The following ZNF280C variants were observed in gnomAD, a reference collection of about 807,000 sequenced individuals.
ZNF280C encodes the protein zinc finger protein 280C.
A neutral mutation model predicts 53.6 loss-of-function variants in ZNF280C; 14 were observed. The observed-to-expected ratio is 0.26, with a 90% CI of 0.17 to 0.41. The LOEUF is 0.41. Among genes scored for constraint, ZNF280C ranks in the 10% least tolerant of loss-of-function variants. The pLI is 1.00. For synonymous variants in ZNF280C, 203 were observed against 181.1 expected, an observed-to-expected ratio of 1.12 and a Z score of -0.97; for missense variants, 416 against 547.1, an observed-to-expected ratio of 0.76 and a Z score of 2.39.
rs750496036 is a variant in ZNF280C at position 130,257,699 on chromosome X, TCTCC to T, written c.31+2716_31+2719del. ...ACACACCTATCTCTACCTCTCTCTC[TCTCC>T]TTCACTCCCTCCCTTCAAGAGACTG... On this transcript the variant is annotated intron_variant, in intron 2 of 18. Transcript: ENST00000370978. 4.6e-4 allele frequency among the ~76,000 whole-genome samples: 52 copies of T among 112,040 alleles called. No individual in the cohort carries two copies. The South Asian group carries it at 7.1e-3, about 15-fold the overall frequency.
chrX:130,215,441 C>A (rs2032090389), intron 14 of ZNF280C, 108 bp from the exon 15 acceptor site: 4 of 779,659 alleles, frequency 5.1e-6, no homozygotes, highest in Non-Finnish European at 7.1e-6. Context: ...AAATTGGTAT[C>A]TTTAAGTAGA....
chrX:130,228,217 C>A (rs758200227), intron 10 of ZNF280C, among the ~76,000 whole-genome samples: 3 of 111,968 alleles, frequency 2.7e-5, no homozygotes, highest in African/African-American at 9.7e-5. Flanking sequence ...TAGTCCCCTA[C>A]ACCAATGCAT....
At chrX:130,242,261 A>T in intron 5 of ZNF280C, among the ~76,000 whole-genome samples, 1 of 111,549 alleles carries the variant, frequency 9.0e-6, no homozygotes, top group Middle Eastern at 4.6e-3. Flanking sequence ...ATAAAATAAA[A>T]AAATAAAAAT....
chrX:130,247,815 A>G (rs1161315251), intron 2 of ZNF280C, among the ~76,000 whole-genome samples: 2 of 110,547 alleles, frequency 1.8e-5, no homozygotes, highest in Non-Finnish European at 3.8e-5. Context: ...TATCAGGCAC[A>G]GGGCAAAGCA....
intron 2 of ZNF280C, among the ~76,000 whole-genome samples, chrX:130,247,719 T>A (rs2032464984): frequency 9.1e-6 from 1 of 110,408 alleles, no homozygotes; most frequent in African/African-American, 3.3e-5. Context: ...GAAAAAAAAA[T>A]TCACTTGTAT....
chrX:130,266,571 A>C (rs938587732), intron 1 of ZNF280C, among the ~76,000 whole-genome samples: 1 of 111,781 alleles, frequency 8.9e-6, no homozygotes, highest in African/African-American at 3.3e-5. Flanking sequence ...ATACATATCA[A>C]AACATCACAT....
At chrX:130,222,998 G>C (rs2032185040) in intron 12 of ZNF280C, among the ~76,000 whole-genome samples, 1 of 111,277 alleles carries the variant, frequency 9.0e-6, no homozygotes, top group Non-Finnish European at 1.9e-5. Flanking sequence ...TTGTTCCAAG[G>C]GTAGAGAAAA....
At chrX:130,209,388 T>A (rs1169600972) in intron 16 of ZNF280C, among the ~76,000 whole-genome samples, 1 of 112,261 alleles carries the variant, frequency 8.9e-6, no homozygotes, top group Non-Finnish European at 1.9e-5. Context: ...TTTCAAGTAT[T>A]ATGGTATTTT....
intron 1 of ZNF280C, among the ~76,000 whole-genome samples, chrX:130,261,462 C>T (rs1197641728): frequency 1.8e-5 from 2 of 112,257 alleles, no homozygotes; most frequent in South Asian, 3.7e-4. Context: ...AAAGCAAACT[C>T]CCTAATTCCA....
chrX:130,229,417 A>AT (rs1244163842), intron 9 of ZNF280C, among the ~76,000 whole-genome samples: 6 of 111,430 alleles, frequency 5.4e-5, no homozygotes, highest in Non-Finnish European at 1.1e-4. Context: ...TAGATTTAAA[A>AT]TTTTTTTTAG....
intron 11 of ZNF280C, among the ~76,000 whole-genome samples, chrX:130,227,153 C>T (rs2032229182): frequency 9.0e-6 from 1 of 111,413 alleles, no homozygotes; most frequent in South Asian, 3.8e-4. Context: ...CTACCACCCC[C>T]TATCTTGATG....
chrX:130,210,776 T>C (rs1367219377), intron 15 of ZNF280C, among the ~76,000 whole-genome samples: 1 of 112,504 alleles, frequency 8.9e-6, no homozygotes, highest in Non-Finnish European at 1.9e-5. Flanking sequence ...TTTAAAATGA[T>C]AAGGAAAGCC....
intron 1 of ZNF280C, among the ~76,000 whole-genome samples, chrX:130,265,150 T>C (rs1196113301): frequency 8.9e-6 from 1 of 112,129 alleles, no homozygotes; most frequent in African/African-American, 3.2e-5. Flanking sequence ...TATTATTTTA[T>C]CCTTATTCAT....
chrX:130,246,287 C>T (rs1175678035), intron 3 of ZNF280C, among the ~76,000 whole-genome samples: 4 of 111,732 alleles, frequency 3.6e-5, no homozygotes, highest in Admixed American at 9.5e-5. Context: ...ACAGTAGTTG[C>T]GGAAGATGGG....
At position 130,203,124 on chromosome X, in the gene ZNF280C, A is replaced by G. The variant is rs2031931784; in HGVS notation, c.*1853T>C. The G allele has an allele frequency of 9.0e-6, 1 of 111,706 alleles. No homozygotes were observed. The highest frequency in any genetic ancestry group is 9.6e-5 in the Admixed American group (1 of 10,431). The allele number at this position is 111,706 out of a possible 1,213,427, so 9.2% of individuals were successfully genotyped here. ...TAATGGTCTGGACAAGTATGAAATTAAGAAGCTACCAATAAGTAGCTACAC... is the reference window on the plus strand; with the variant it reads ...TAATGGTCTGGACAAGTATGAAATTGAGAAGCTACCAATAAGTAGCTACAC... On this transcript the variant is annotated 3_prime_UTR_variant, in exon 19 of 19. Coordinates refer to ENST00000370978, the MANE Select transcript of ZNF280C (RefSeq NM_017666.5).
intron 5 of ZNF280C, 112 bp downstream of exon 5, chrX:130,243,451 C>G: frequency 2.2e-6 from 2 of 899,009 alleles, no homozygotes; most frequent in South Asian, 5.4e-5. Flanking sequence ...CCCAAAGTAC[C>G]AAAGATTACA....
intron 13 of ZNF280C, 66 bp downstream of exon 13, chrX:130,220,280 TAAA>T (rs3081123): frequency 7.0e-5 from 63 of 903,977 alleles, no homozygotes; most frequent in African/African-American, 4.3e-4. Flanking sequence ...CTATCCATAA[TAAA>T]AAAAAAAACA....
chrX:130,259,296 T>C (rs750145651), intron 2 of ZNF280C, among the ~76,000 whole-genome samples: 5 of 112,109 alleles, frequency 4.5e-5, no homozygotes, highest in Non-Finnish European at 9.4e-5. Context: ...TGATTATCTA[T>C]GGGGTAAGAA....
Position 130,246,883 on chromosome X carries a change from A to G in ZNF280C, c.154T>C (p.Ser52Pro), listed in dbSNP as rs768341148. 3.2e-5 allele frequency: 39 copies of G among 1,207,060 alleles called. No individual in the cohort carries two copies. Among genetic ancestry groups the G allele is most frequent in the African/African-American group, 7.0e-5 (4 of 57,187 alleles). Residue 52 changes from serine to proline, a missense_variant, in exon 3 of 19, where the codon TCA becomes CCA. Transcript: ENST00000370978. ...DDELIFVGEI[S>P]SSKPAISNIL... Reference sequence around the variant, plus strand: ...CTTGAAATGGCTGGTTTTGAACTTGATATCTCTCCAACAAAGATCAGTTCA... The same window carrying G: ...CTTGAAATGGCTGGTTTTGAACTTGGTATCTCTCCAACAAAGATCAGTTCA...
Sources: gnomAD v4.1 joint callset for allele counts (sites outside exome capture counted in the v4.1 genomes callset) on GRCh38, gnomAD v4.1.1 for gene constraint, MANE v1.5 for transcripts, NCBI Gene and HGNC (gene_info 2026-07-23, HGNC 2026-07-21) for gene names.